Variants in GNG12 observed in about 807,000 individuals in gnomAD.
GNG12 encodes the protein guanine nucleotide-binding protein G(I)/G(S)/G(O) subunit gamma-12.
For synonymous variants in GNG12, 28 were observed against 29.7 expected, an observed-to-expected ratio of 0.94 and a Z score of 0.19; for missense variants, 69 against 83.8, an observed-to-expected ratio of 0.82 and a Z score of 0.69.
rs116341145 is a variant in GNG12 at position 67,809,879 on chromosome 1, T to C, written c.-77+23465A>G. Among the ~76,000 whole-genome samples the C allele has an allele frequency of 5.7e-3, 865 of 152,226 alleles. 7 individuals carry two copies. Among genetic ancestry groups the C allele is most frequent in the African/African-American group, 0.02 (827 of 41,520 alleles). ...ACAGTTTGGCAGTTAAAAAAAAAAT[T>C]AGACATAGTTTTAACCATATAATCC... On this transcript the variant is annotated intron_variant, in intron 1 of 3. Transcript: ENST00000370982.
At chr1:67,736,360 C>G (rs1646452456) in intron 2 of GNG12, among the ~76,000 whole-genome samples, 1 of 152,090 alleles carries the variant, frequency 6.6e-6, no homozygotes, top group Admixed American at 6.5e-5. Context: ...CTACTGCTTC[C>G]TGATGCTAAC....
intron 2 of GNG12, among the ~76,000 whole-genome samples, chr1:67,717,228 C>T (rs114888137): frequency 0.017 from 2,630 of 152,222 alleles, 44 homozygotes; most frequent in South Asian, 0.042. Flanking sequence ...TAAAAGGACA[C>T]TACTCGGCCG....
intron 1 of GNG12, among the ~76,000 whole-genome samples, chr1:67,818,808 A>G (rs1191498104): frequency 1.3e-5 from 2 of 152,148 alleles, no homozygotes; most frequent in Non-Finnish European, 2.9e-5. Context: ...TACATTTCAT[A>G]ACTTATCTGT....
chr1:67,714,918 T>TTTTG (rs61446827), intron 2 of GNG12, among the ~76,000 whole-genome samples: 4,538 of 152,086 alleles, frequency 0.03, 194 homozygotes, highest in African/African-American at 0.094. Context: ...AACGGCCATC[T>TTTTG]TTTGTTTGTT....
intron 2 of GNG12, among the ~76,000 whole-genome samples, chr1:67,769,289 G>A (rs1646659015): frequency 6.6e-6 from 1 of 152,180 alleles, no homozygotes. Flanking sequence ...CAACATCACA[G>A]TGGTCCAACC....
intron 2 of GNG12, among the ~76,000 whole-genome samples, chr1:67,727,738 A>G (rs1163761652): frequency 2.0e-5 from 3 of 152,252 alleles, no homozygotes; most frequent in Non-Finnish European, 4.4e-5. Context: ...TAATAATGCC[A>G]TCAAAAGATA....
At chr1:67,824,329 G>A (rs1478099885) in intron 1 of GNG12, among the ~76,000 whole-genome samples, 2 of 151,834 alleles carry the variant, frequency 1.3e-5, no homozygotes, top group African/African-American at 4.8e-5. Flanking sequence ...GGGCAACATG[G>A]TAAAACCCCA....
chr1:67,763,897 A>G (rs1646620918), intron 2 of GNG12, among the ~76,000 whole-genome samples: 1 of 152,220 alleles, frequency 6.6e-6, no homozygotes, highest in Non-Finnish European at 1.5e-5. Flanking sequence ...AGTCTAACAA[A>G]GGATGGAGTG....
At chr1:67,728,299 G>C (rs1259954838) in intron 2 of GNG12, among the ~76,000 whole-genome samples, 1 of 152,176 alleles carries the variant, frequency 6.6e-6, no homozygotes, top group Non-Finnish European at 1.5e-5. Flanking sequence ...TCCTAGTTAA[G>C]AGCCATGGGA....
intron 1 of GNG12, among the ~76,000 whole-genome samples, chr1:67,820,513 C>T (rs1646979154): frequency 6.6e-6 from 1 of 152,186 alleles, no homozygotes. Context: ...AGTGTCTCCT[C>T]CCTGTGTCCC....
intron 2 of GNG12, among the ~76,000 whole-genome samples, chr1:67,714,143 T>C (rs1352863163): frequency 6.6e-6 from 1 of 152,184 alleles, no homozygotes; most frequent in Non-Finnish European, 1.5e-5. Flanking sequence ...TGTCAACGTT[T>C]GAAAAATGGA....
At chr1:67,757,531 G>A (rs923860715) in intron 2 of GNG12, among the ~76,000 whole-genome samples, 11 of 152,294 alleles carry the variant, frequency 7.2e-5, no homozygotes, top group Middle Eastern at 3.4e-3. Flanking sequence ...TACTGGAAAG[G>A]CAACCAAAGA....
intron 2 of GNG12, among the ~76,000 whole-genome samples, chr1:67,759,956 T>A (rs911241191): frequency 6.6e-6 from 1 of 152,182 alleles, no homozygotes; most frequent in African/African-American, 2.4e-5. Flanking sequence ...CTCTACTGTT[T>A]AAGGGGCTAT....
intron 2 of GNG12, among the ~76,000 whole-genome samples, chr1:67,755,944 G>A (rs1271795525): frequency 6.6e-6 from 1 of 151,994 alleles, no homozygotes; most frequent in Non-Finnish European, 1.5e-5. Context: ...AATAGAACAA[G>A]CAGAACTAGG....
At chr1:67,709,875 TA>T (rs1557591725) in intron 2 of GNG12, among the ~76,000 whole-genome samples, 5 of 121,776 alleles carry the variant, frequency 4.1e-5, no homozygotes, top group African/African-American at 1.7e-4. Flanking sequence ...GTTATATATA[TA>T]TTTATATATA....
intron 2 of GNG12, among the ~76,000 whole-genome samples, chr1:67,709,999 G>T (rs1335831115): frequency 4.1e-5 from 1 of 24,390 alleles, no homozygotes; most frequent in African/African-American, 1.5e-4. Flanking sequence ...TATATATATA[G>T]TTATATATAT....
At chr1:67,708,832 G>A (rs1484328047) in intron 2 of GNG12, among the ~76,000 whole-genome samples, 9 of 152,176 alleles carry the variant, frequency 5.9e-5, no homozygotes, top group Admixed American at 6.5e-5. Context: ...CAAAGTCTTA[G>A]GGCTCCGTGG....
At chr1:67,734,879 C>T (rs975745662) in intron 2 of GNG12, among the ~76,000 whole-genome samples, 9 of 152,112 alleles carry the variant, frequency 5.9e-5, no homozygotes, top group African/African-American at 1.7e-4. Flanking sequence ...TTTGAGACAG[C>T]GTCTCACTCT....
intron 2 of GNG12, among the ~76,000 whole-genome samples, chr1:67,743,800 T>C (rs1646495082): frequency 6.6e-6 from 1 of 152,236 alleles, no homozygotes; most frequent in African/African-American, 2.4e-5. Flanking sequence ...AGGTAAGTTA[T>C]GAGGCAGACC....
Sources: allele counts gnomAD v4.1 joint callset (sites outside exome capture counted in the v4.1 genomes callset), GRCh38; gene constraint gnomAD v4.1.1; transcripts MANE v1.5; gene names NCBI Gene and HGNC (gene_info 2026-07-23, HGNC 2026-07-21).